RIGI: variants seen among roughly 807,000 people sequenced by gnomAD.
RIGI encodes RNA sensor RIG-I, also known as antiviral innate immune response receptor RIG-I.
chr9:32,489,402 T>C, the RIGI span: 2 of 1,613,620 alleles, frequency 1.2e-6, no homozygotes, highest in African/African-American at 1.3e-5. Context: ...CAAGCTCTAA[T>C]TGGTAATTTC....
chr9:32,481,297 A>G, the RIGI span: 4 of 1,586,308 alleles, frequency 2.5e-6, no homozygotes, highest in Non-Finnish European at 3.4e-6. Context: ...CACTCCCAGT[A>G]GGTGCTGTGA....
chr9:32,491,928 T>G, the RIGI span, among the ~76,000 whole-genome samples: 1 of 152,142 alleles, frequency 6.6e-6, no homozygotes, highest in African/African-American at 2.4e-5. Context: ...AGAAACCAAA[T>G]GATAGTTCAG....
chr9:32,457,390 G>C, the RIGI span: 6 of 1,613,402 alleles, frequency 3.7e-6, no homozygotes, highest in Non-Finnish European at 4.2e-6. Flanking sequence ...TTCCTTAAAA[G>C]CATCTCCAAG....
At chr9:32,494,324 A>G in the RIGI span, among the ~76,000 whole-genome samples, 56 of 152,312 alleles carry the variant, frequency 3.7e-4, no homozygotes, top group South Asian at 0.011. Context: ...TAAAGAAGGC[A>G]AAAAGAAATA....
At chr9:32,470,157 A>G in the RIGI span, among the ~76,000 whole-genome samples, 2 of 152,200 alleles carry the variant, frequency 1.3e-5, no homozygotes, top group African/African-American at 4.8e-5. Flanking sequence ...TTTTGAATCC[A>G]TGTATTCTCA....
chr9:32,469,200 C>G, the RIGI span, among the ~76,000 whole-genome samples: 2 of 152,048 alleles, frequency 1.3e-5, no homozygotes, highest in Non-Finnish European at 2.9e-5. Flanking sequence ...TGAGCAGAGC[C>G]CCCACCCCTA....
At chr9:32,499,252 T>C in the RIGI span, among the ~76,000 whole-genome samples, 2 of 150,852 alleles carry the variant, frequency 1.3e-5, no homozygotes, top group Admixed American at 1.3e-4. Flanking sequence ...TTTAATATAT[T>C]CTAGATTCTA....
chr9:32,521,404 ATTG>A, the RIGI span, among the ~76,000 whole-genome samples: 13 of 152,250 alleles, frequency 8.5e-5, no homozygotes, highest in African/African-American at 2.4e-4. Context: ...ATTAGGCCTT[ATTG>A]TTGGGAAACT....
chr9:32,471,948 G>A, the RIGI span, among the ~76,000 whole-genome samples: 1 of 152,118 alleles, frequency 6.6e-6, no homozygotes, highest in African/African-American at 2.4e-5. Flanking sequence ...GGACTGACAG[G>A]GTGGGTATGG....
At chr9:32,463,269 A>G in the RIGI span, among the ~76,000 whole-genome samples, 12 of 152,126 alleles carry the variant, frequency 7.9e-5, no homozygotes, top group African/African-American at 2.9e-4. Flanking sequence ...TCAGTTGTAA[A>G]ACTGTTACAT....
the RIGI span, among the ~76,000 whole-genome samples, chr9:32,517,324 CTA>C: frequency 1.3e-5 from 2 of 152,186 alleles, no homozygotes; most frequent in Admixed American, 1.3e-4. Context: ...GTTTGTATTG[CTA>C]TCTCATGGCT....
chr9:32,485,683 G>C, the RIGI span: 10 of 371,290 alleles, frequency 2.7e-5, no homozygotes, highest in East Asian at 3.0e-4. Flanking sequence ...TGGGACAACA[G>C]GCGCACACCA....
chr9:32,508,445 A>T, the RIGI span, among the ~76,000 whole-genome samples: 2 of 151,774 alleles, frequency 1.3e-5, no homozygotes, highest in Non-Finnish European at 2.9e-5. Flanking sequence ...CAGCCCACAG[A>T]CAGCGAGCTG....
the RIGI span, among the ~76,000 whole-genome samples, chr9:32,462,970 G>A: frequency 3.0e-3 from 456 of 152,062 alleles, 2 homozygotes; most frequent in African/African-American, 0.01. Context: ...CAGCCTGGGC[G>A]ACATAGCAAA....
At chr9:32,510,717 G>C in the RIGI span, among the ~76,000 whole-genome samples, 1 of 152,108 alleles carries the variant, frequency 6.6e-6, no homozygotes, top group African/African-American at 2.4e-5. Flanking sequence ...ATAATGACAG[G>C]ATCAAATTCA....
At chr9:32,468,655 G>A in the RIGI span, among the ~76,000 whole-genome samples, 1 of 151,234 alleles carries the variant, frequency 6.6e-6, no homozygotes, top group African/African-American at 2.4e-5. Context: ...AAGAGAATGA[G>A]ACTCTATCTT....
chr9:32,508,865 T>A, the RIGI span, among the ~76,000 whole-genome samples: 5 of 152,168 alleles, frequency 3.3e-5, no homozygotes. Context: ...AAATTCTCGC[T>A]GCCAGCACAA....
chr9:32,501,164 G>T, the RIGI span, among the ~76,000 whole-genome samples: 8 of 152,096 alleles, frequency 5.3e-5, 1 homozygote, highest in Admixed American at 5.2e-4. Flanking sequence ...ACAGTTTGGT[G>T]TGGAGGTCTG....
At chr9:32,518,279 A>G in the RIGI span, among the ~76,000 whole-genome samples, 1 of 152,124 alleles carries the variant, frequency 6.6e-6, no homozygotes, top group South Asian at 2.1e-4. Flanking sequence ...GAAAGTTATG[A>G]GTATAAAGAT....
Sources: gnomAD v4.1 joint callset for allele counts (sites outside exome capture counted in the v4.1 genomes callset) on GRCh38, gnomAD v4.1.1 for gene constraint, MANE v1.5 for transcripts, NCBI Gene and HGNC (gene_info 2026-07-23, HGNC 2026-07-21) for gene names.